Variants in TMCC1 observed in about 807,000 individuals in gnomAD.
TMCC1 encodes transmembrane and coiled-coil domains protein 1.
TMCC1 carries 15 observed loss-of-function variants against 52.4 expected under a neutral mutation model. The observed-to-expected ratio is 0.29, with a 90% CI of 0.19 to 0.44. TMCC1 has a LOEUF of 0.44. TMCC1 is among the 20% of genes least tolerant of loss of function. TMCC1 has a pLI of 1.00. For missense variants in TMCC1, 503 were observed against 806.0 expected (o/e 0.62, Z 4.55); for synonymous variants, 279 against 301.9 (o/e 0.92, Z 0.79).
At chr3:129,743,064 G>A (rs1002685851) in intron 4 of TMCC1, among the ~76,000 whole-genome samples, 1 of 152,124 alleles carries the variant, frequency 6.6e-6, no homozygotes, top group African/African-American at 2.4e-5. Context: ...TGCCTAAGAG[G>A]TATGGGGCTT....
At chr3:129,854,788 G>C (rs777719229) in intron 2 of TMCC1, among the ~76,000 whole-genome samples, 1 of 152,186 alleles carries the variant, frequency 6.6e-6, no homozygotes, top group South Asian at 2.1e-4. Flanking sequence ...TCTCACTAAT[G>C]TAAGTGTTAC....
rs1456906362 is a variant in TMCC1 at position 129,883,098 on chromosome 3, G to C, written c.-434-2539C>G. Among the ~76,000 whole-genome samples, 5 of 151,408 alleles carry C rather than the reference G, an allele frequency of 3.3e-5. No individual in the cohort carries two copies. The East Asian group carries it at 9.8e-4, about 30-fold the overall frequency. ...GAGGTCAGGAGTTCGAGACCAGCCT[G>C]GCCAACGTGGTGAAACCCTGCCTCT... On this transcript the variant is annotated intron_variant, in intron 1 of 6. Coordinates refer to ENST00000393238, the MANE Select transcript of TMCC1 (RefSeq NM_001017395.5).
intron 4 of TMCC1, among the ~76,000 whole-genome samples, chr3:129,729,190 T>C (rs1235054939): frequency 1.3e-5 from 2 of 152,224 alleles, no homozygotes; most frequent in East Asian, 3.8e-4. Flanking sequence ...ACCAGCAGTG[T>C]ATGAGAGTTC....
chr3:129,770,803 A>C (rs2054511606), intron 4 of TMCC1, among the ~76,000 whole-genome samples: 1 of 152,180 alleles, frequency 6.6e-6, no homozygotes, highest in Non-Finnish European at 1.5e-5. Flanking sequence ...GGATTCAGGG[A>C]TACTGCACAA....
Position 129,810,767 on chromosome 3 carries a change from C to A in TMCC1, c.576+17036G>T, listed in dbSNP as rs573616562. ...TCATAAGCAATCACATTTACAACAA[C>A]AAAATTAGGTAAATTGTTTCCTTCA... On this transcript the variant is annotated intron_variant, in intron 4 of 6. Coordinates refer to ENST00000393238, the MANE Select transcript of TMCC1 (RefSeq NM_001017395.5). Among the ~76,000 whole-genome samples, 13 of 152,276 alleles carry A rather than the reference C, an allele frequency of 8.5e-5. No individual in the cohort carries two copies. The South Asian group carries it at 1.0e-3, about 12-fold the overall frequency.
chr3:129,723,748 T>C (rs2049845449), intron 4 of TMCC1, among the ~76,000 whole-genome samples: 1 of 152,120 alleles, frequency 6.6e-6, no homozygotes, highest in African/African-American at 2.4e-5. Flanking sequence ...TCTCCATTAT[T>C]ACAACCTTAC....
intron 1 of TMCC1, among the ~76,000 whole-genome samples, chr3:129,881,291 AGCT>A (rs1035375297): frequency 1.3e-5 from 2 of 152,178 alleles, no homozygotes; most frequent in African/African-American, 4.8e-5. Flanking sequence ...CAGGTAATCC[AGCT>A]CTCTCTCTGA....
intron 4 of TMCC1, among the ~76,000 whole-genome samples, chr3:129,750,201 T>G (rs2052367813): frequency 6.6e-6 from 1 of 152,172 alleles, no homozygotes; most frequent in Non-Finnish European, 1.5e-5. Context: ...ATTTATTTAC[T>G]TATTTTGAGA....
chr3:129,869,527 T>C (rs745348604), intron 2 of TMCC1, among the ~76,000 whole-genome samples: 107 of 152,272 alleles, frequency 7.0e-4, no homozygotes, highest in Admixed American at 4.2e-3. Flanking sequence ...CAGCAGTCTT[T>C]TGGGACTGAG....
At chr3:129,802,364 T>G (rs1006634893) in intron 4 of TMCC1, among the ~76,000 whole-genome samples, 1 of 152,226 alleles carries the variant, frequency 6.6e-6, no homozygotes, top group African/African-American at 2.4e-5. Flanking sequence ...AAGTGATACT[T>G]GAGAGTATAC....
rs1560501904 is a variant in TMCC1, at chr3:129,828,138, T to C, written c.241A>G (p.Met81Val). 1 of 1,614,182 alleles carries C rather than the reference T, an allele frequency of 6.2e-7. No homozygotes were observed. Residue 81 changes from methionine to valine, a missense_variant, in exon 4 of 7, where the codon ATG becomes GTG. Physicochemically the swap from Met to Val is conservative, Grantham distance 21. Transcript: ENST00000393238. The surrounding 1 kb of genome is among the most constrained non-coding windows in gnomAD (Gnocchi z 4.1). ...CATGCGTTCTGGCTTTCCAGATCCA[T>C]TTCAGGTTCTGGATCTGCCTGAATT... is the stretch of plus-strand genomic sequence containing the variant. ...QQIQADPEPE[M>V]DLESQNACAE... is the part of the protein sequence containing the mutation.
At chr3:129,681,424 A>G (rs1301817061) in intron 4 of TMCC1, among the ~76,000 whole-genome samples, 1 of 152,004 alleles carries the variant, frequency 6.6e-6, no homozygotes, top group Admixed American at 6.6e-5. Context: ...ACTCGCTAGG[A>G]GGTAAAGAAT....
At chr3:129,879,694 T>C (rs1427852573) in intron 2 of TMCC1, among the ~76,000 whole-genome samples, 2 of 152,190 alleles carry the variant, frequency 1.3e-5, no homozygotes, top group South Asian at 4.1e-4. Context: ...GACTGAAGTC[T>C]CAATTTTTAG....
chr3:129,816,834 G>T (rs2058120907), intron 4 of TMCC1, among the ~76,000 whole-genome samples: 1 of 151,382 alleles, frequency 6.6e-6, no homozygotes, highest in African/African-American at 2.4e-5. Flanking sequence ...GATCAGCCTG[G>T]TCAACATATC....
chr3:129,764,175 CTT>C (rs1240364517), intron 4 of TMCC1, among the ~76,000 whole-genome samples: 3 of 152,162 alleles, frequency 2.0e-5, no homozygotes, highest in Non-Finnish European at 4.4e-5. Context: ...GTTTTTCTCT[CTT>C]TTGTAATGTT....
chr3:129,659,656 T>C (rs1216197912), intron 5 of TMCC1, among the ~76,000 whole-genome samples: 3 of 152,204 alleles, frequency 2.0e-5, no homozygotes, highest in Admixed American at 6.5e-5. Context: ...CCAATGTTTA[T>C]CATAAGAAGG....
intron 4 of TMCC1, among the ~76,000 whole-genome samples, chr3:129,802,369 G>C (rs1471287926): frequency 6.6e-6 from 1 of 152,196 alleles, no homozygotes; most frequent in Non-Finnish European, 1.5e-5. Context: ...ATACTTGAGA[G>C]TATACTATCA....
At chr3:129,775,060 C>A (rs962005541) in intron 4 of TMCC1, among the ~76,000 whole-genome samples, 12 of 152,098 alleles carry the variant, frequency 7.9e-5, no homozygotes, top group African/African-American at 2.9e-4. Flanking sequence ...GGGACAGAGA[C>A]AAGAGTACTC....
At chr3:129,863,734 C>T (rs2060500513) in intron 2 of TMCC1, among the ~76,000 whole-genome samples, 1 of 152,036 alleles carries the variant, frequency 6.6e-6, no homozygotes, top group South Asian at 2.1e-4. Context: ...TGGTGGCGCG[C>T]ACCTGTAATC....
Sources: gnomAD v4.1 joint callset for allele counts (sites outside exome capture counted in the v4.1 genomes callset) on GRCh38, gnomAD v4.1.1 for gene constraint, Gnocchi (gnomAD v3.1) non-coding constraint, MANE v1.5 for transcripts, NCBI Gene and HGNC (gene_info 2026-07-23, HGNC 2026-07-21) for gene names.